NTRK3: variants seen among roughly 807,000 people sequenced by gnomAD.
NTRK3 encodes NT-3 growth factor receptor.
A neutral mutation model predicts 91.7 loss-of-function variants in NTRK3; 24 were observed. The observed-to-expected ratio is 0.26, with a 90% CI of 0.19 to 0.37. The LOEUF (loss-of-function observed/expected upper bound fraction) is 0.37. Among genes scored for constraint, NTRK3 ranks in the 10% least tolerant of loss-of-function variants. The pLI is 1.00. For synonymous variants in NTRK3, 483 were observed against 404.0 expected, an observed-to-expected ratio of 1.20 and a Z score of -2.34; for missense variants, 880 against 1,068.9, an observed-to-expected ratio of 0.82 and a Z score of 2.46.
intron 14 of NTRK3, among the ~76,000 whole-genome samples, chr15:88,011,714 C>G (rs1274043196): frequency 6.6e-6 from 1 of 152,150 alleles, no homozygotes; most frequent in Non-Finnish European, 1.5e-5. Context: ...TGGGGAGACA[C>G]TTCCCACCGC....
chr15:88,125,645 T>C (rs2053207192), intron 13 of NTRK3, among the ~76,000 whole-genome samples: 1 of 152,158 alleles, frequency 6.6e-6, no homozygotes, highest in African/African-American at 2.4e-5. Context: ...ACCCCTTTCA[T>C]GCCAGTCCCC....
chr15:88,238,847 C>T (rs2052047225), intron 3 of NTRK3, among the ~76,000 whole-genome samples: 1 of 152,228 alleles, frequency 6.6e-6, no homozygotes, highest in Admixed American at 6.5e-5. Context: ...GCACACACTT[C>T]TGCAATAAAC....
chr15:88,214,444 T>G (rs1348658501), intron 3 of NTRK3, among the ~76,000 whole-genome samples: 1 of 152,112 alleles, frequency 6.6e-6, no homozygotes, highest in Non-Finnish European at 1.5e-5. Context: ...AGAACACCAG[T>G]CACTGGGTTT....
chr15:88,184,309 A>T lies in NTRK3; in HGVS notation c.249-10T>A. ...CCAGTTCTCTATGTGTCTGCAGGGG[A>T]GGAGGAAAGGTAACGGTCAGCCAGA... On this transcript the variant is annotated splice_polypyrimidine_tract_variant and intron_variant, in intron 3 of 18. Coordinates refer to ENST00000394480, the Ensembl canonical transcript of NTRK3. The T allele has an allele frequency of 6.2e-7, 1 of 1,613,768 alleles. No homozygotes were observed. Among genetic ancestry groups the T allele is most frequent in the Non-Finnish European group, 8.5e-7 (1 of 1,179,792 alleles).
rs532067276 is a variant in NTRK3 at position 88,031,951 on chromosome 15, G to A, written c.1585+906C>T. 3.8e-4 allele frequency among the ~76,000 whole-genome samples: 58 copies of A among 152,182 alleles called. No homozygotes were observed. The South Asian group carries it at 1.0e-2, about 26-fold the overall frequency. On this transcript the variant is annotated intron_variant, in intron 14 of 18. Coordinates refer to ENST00000394480, the Ensembl canonical transcript of NTRK3. ...GCCTGGGGCAGCCACCCAGAGCCTC[G>A]GTATTCCTGTCTGTAAGGTGAGGCC...
chr15:88,147,376 T>C (rs769706938), exon 6 of NTRK3: 5 of 1,613,612 alleles, frequency 3.1e-6, no homozygotes, highest in Middle Eastern at 1.6e-4. Context: ...GCCACGAGAG[T>C]GTGGTGAGCC....
chr15:87,901,938 T>C (rs2066482883), intron 17 of NTRK3, among the ~76,000 whole-genome samples: 2 of 152,204 alleles, frequency 1.3e-5, no homozygotes, highest in African/African-American at 4.8e-5. Flanking sequence ...ACATTCTAAA[T>C]TAAAAAAAGA....
At chr15:87,912,925 AAAAAAAAT>A (rs2067178271) in intron 17 of NTRK3, among the ~76,000 whole-genome samples, 1 of 32,882 alleles carries the variant, frequency 3.0e-5, no homozygotes, top group Non-Finnish European at 4.8e-5. Context: ...TCAAAAAGTA[AAAAAAAAT>A]ATATATATAT....
chr15:88,041,113 CA>C (rs1346245937), intron 13 of NTRK3, among the ~76,000 whole-genome samples: 1 of 152,164 alleles, frequency 6.6e-6, no homozygotes, highest in Admixed American at 6.5e-5. Flanking sequence ...AGCCTATATA[CA>C]GAAGGCGATA....
intron 3 of NTRK3, among the ~76,000 whole-genome samples, chr15:88,212,700 T>TCACACACACACACACACACACA (rs60620542): frequency 2.1e-5 from 3 of 146,120 alleles, no homozygotes; most frequent in Admixed American, 2.0e-4. Flanking sequence ...GGCTGCTGCA[T>TCACACACACACACACACACACA]CACACACACA....
chr15:88,042,763 A>C (rs1473908987), intron 13 of NTRK3, among the ~76,000 whole-genome samples: 1 of 152,120 alleles, frequency 6.6e-6, no homozygotes, highest in Admixed American at 6.5e-5. Context: ...TCATCACCAC[A>C]ACCCTGGGGG....
At chr15:88,018,394 C>T (rs559582064) in intron 14 of NTRK3, among the ~76,000 whole-genome samples, 22 of 152,272 alleles carry the variant, frequency 1.4e-4, no homozygotes, top group Middle Eastern at 6.8e-3. Flanking sequence ...AGTCAGCTGA[C>T]GGTGGGAGGG....
intron 17 of NTRK3, among the ~76,000 whole-genome samples, chr15:87,920,862 A>G (rs544245747): frequency 6.6e-6 from 1 of 152,308 alleles, no homozygotes; most frequent in Admixed American, 6.5e-5. Context: ...CGGTAGTTCC[A>G]CTGCCCTTAA....
chr15:87,988,212 A>G (rs142493754), intron 14 of NTRK3, among the ~76,000 whole-genome samples: 18 of 152,348 alleles, frequency 1.2e-4, no homozygotes, highest in African/African-American at 4.1e-4. Context: ...TTCCTTCCCA[A>G]TATCCCAACT....
chr15:88,164,607 C>A (rs1024274120), intron 5 of NTRK3, among the ~76,000 whole-genome samples: 1 of 152,122 alleles, frequency 6.6e-6, no homozygotes, highest in Non-Finnish European at 1.5e-5. Flanking sequence ...TTCATAAGTA[C>A]TGGCCTCATT....
chr15:87,864,239 G>A (rs1325022573), exon 19 of NTRK3: 3 of 232,450 alleles, frequency 1.3e-5, no homozygotes, highest in East Asian at 6.0e-5. Context: ...ATGCTGTGAA[G>A]TGAGAGAAAA....
intron 3 of NTRK3, among the ~76,000 whole-genome samples, chr15:88,224,429 C>T (rs1288609315): frequency 6.6e-6 from 1 of 152,196 alleles, no homozygotes; most frequent in Non-Finnish European, 1.5e-5. Flanking sequence ...CCTCAACAAG[C>T]TGGGTCTAAA....
intron 14 of NTRK3, among the ~76,000 whole-genome samples, chr15:87,966,073 CTCAA>C (rs922586989): frequency 1.4e-5 from 2 of 139,198 alleles, no homozygotes; most frequent in Non-Finnish European, 3.1e-5. Context: ...GCAAAACTGT[CTCAA>C]ACAAACAAAC....
At chr15:88,042,697 TAAGG>T (rs2079763082) in intron 13 of NTRK3, among the ~76,000 whole-genome samples, 1 of 152,198 alleles carries the variant, frequency 6.6e-6, no homozygotes, top group Non-Finnish European at 1.5e-5. Context: ...AACACGCACT[TAAGG>T]AAGGGGAAGG....
Sources: allele counts gnomAD v4.1 joint callset (sites outside exome capture counted in the v4.1 genomes callset), GRCh38; gene constraint gnomAD v4.1.1; transcripts MANE v1.5; gene names NCBI Gene and HGNC (gene_info 2026-07-23, HGNC 2026-07-21).